The following ORC5 variants were observed in gnomAD, a reference collection of about 807,000 sequenced individuals.
ORC5 encodes origin recognition complex subunit 5, also known as protein phosphatase 1, regulatory subunit 117.
ORC5 carries 39 observed loss-of-function variants against 58.8 expected under a neutral mutation model. The observed-to-expected ratio is 0.66, with a 90% CI of 0.51 to 0.87. The LOEUF is 0.87. Among genes scored for constraint, ORC5 ranks in the 40% least tolerant of loss-of-function variants. The pLI is 0.00. For missense variants in ORC5, 493 were observed against 506.3 expected (o/e 0.97, Z 0.25); for synonymous variants, 218 against 177.6 (o/e 1.23, Z -1.81).
At chr7:104,158,885 G>C (rs1426110099) in intron 12 of ORC5, among the ~76,000 whole-genome samples, 1 of 151,850 alleles carries the variant, frequency 6.6e-6, no homozygotes, top group Admixed American at 6.5e-5. Flanking sequence ...TGGTGGGACT[G>C]TAAACTAGTT....
rs1315982436 is a variant in ORC5 at position 104,168,203 on chromosome 7, G to A, written c.877+270C>T. On this transcript the variant is annotated intron_variant, in intron 9 of 13. Transcript: ENST00000297431. ...ACATAATTAGATTGCTTTAATAAAA[G>A]CATTTAAAGAAATAGAAACTGCTTG... 4 of 862,268 alleles carry A rather than the reference G, an allele frequency of 4.6e-6. No individual in the cohort carries two copies. In the East Asian group the frequency reaches 1.1e-4, roughly 24 times the overall value. 53.4% of individuals were successfully genotyped at this position (862,268 alleles called of 1,614,324 possible).
At chr7:104,189,329 C>T (rs540283523) in intron 5 of ORC5, among the ~76,000 whole-genome samples, 1 of 152,124 alleles carries the variant, frequency 6.6e-6, no homozygotes, top group Admixed American at 6.5e-5. Context: ...AGGGAAAATG[C>T]CGGATACTTA....
intron 9 of ORC5, 61 bp downstream of exon 9, chr7:104,168,412 G>A (rs767543273): frequency 2.0e-5 from 31 of 1,582,546 alleles, no homozygotes; most frequent in East Asian, 2.3e-5. Context: ...ATTAACTTTA[G>A]TATCTTGATA....
rs117477643 is a variant in ORC5 at position 104,152,601 on chromosome 7, A to G, written c.1149+8471T>C. Among the ~76,000 whole-genome samples, 1,055 of 152,302 alleles carry G rather than the reference A, an allele frequency of 6.9e-3. 2 individuals are homozygous for G. The highest frequency in any genetic ancestry group is 0.011 in the Non-Finnish European group (735 of 68,006). On this transcript the variant is annotated intron_variant, in intron 12 of 13. Transcript: ENST00000297431. ...TTTGCCTATATAGTCACTATATATT[A>G]GTAGTATGGAATCTCTTAAACATGC... is the stretch of plus-strand genomic sequence containing the variant.
At chr7:104,156,776 T>G (rs1019312) in intron 12 of ORC5, among the ~76,000 whole-genome samples, 1 of 151,876 alleles carries the variant, frequency 6.6e-6, no homozygotes, top group Admixed American at 6.6e-5. Context: ...ATATAATTCA[T>G]TGCCAATTTT....
intron 12 of ORC5, among the ~76,000 whole-genome samples, chr7:104,158,411 C>T (rs376728879): frequency 0.03 from 4,513 of 152,004 alleles, 184 homozygotes; most frequent in African/African-American, 0.1. Context: ...AGGACATAGG[C>T]ATGGGCAAGG....
intron 9 of ORC5, 117 bp from the exon 10 acceptor site, chr7:104,167,001 C>T (rs1799118696): frequency 2.3e-5 from 14 of 602,774 alleles, no homozygotes; most frequent in Non-Finnish European, 4.2e-5. Context: ...TGACCTATTT[C>T]CTTATTTTAA....
intron 6 of ORC5, 193 bp downstream of exon 6, chr7:104,188,058 A>C: frequency 1.0e-6 from 1 of 990,952 alleles, no homozygotes; most frequent in Non-Finnish European, 1.3e-6. Context: ...GTACTAACCC[A>C]CAGACATCTA....
chr7:104,158,551 G>A (rs1419273439), intron 12 of ORC5, among the ~76,000 whole-genome samples: 1 of 151,706 alleles, frequency 6.6e-6, no homozygotes, highest in African/African-American at 2.4e-5. Flanking sequence ...CCTACAAAAT[G>A]GGAGAAAATT....
intron 12 of ORC5, among the ~76,000 whole-genome samples, chr7:104,139,171 T>G (rs2115762094): frequency 6.6e-6 from 1 of 152,322 alleles, no homozygotes. Context: ...ATCATGTGTC[T>G]TAGGAATTAA....
At chr7:104,203,234 C>T (rs1345667307) in intron 2 of ORC5, among the ~76,000 whole-genome samples, 3 of 152,136 alleles carry the variant, frequency 2.0e-5, no homozygotes, top group African/African-American at 4.8e-5. Flanking sequence ...TAGAGGAGGA[C>T]GGGGTTAGCA....
intron 1 of ORC5, among the ~76,000 whole-genome samples, chr7:104,205,487 C>A (rs933036190): frequency 2.0e-5 from 3 of 152,232 alleles, no homozygotes; most frequent in Admixed American, 2.0e-4. Context: ...TCGATTACAG[C>A]AACAGTCACA....
At chr7:104,191,273 G>A (rs1332283643) in intron 5 of ORC5, among the ~76,000 whole-genome samples, 3 of 151,796 alleles carry the variant, frequency 2.0e-5, no homozygotes, top group Admixed American at 6.6e-5. Context: ...ATAAAACTTA[G>A]AAACAAAGAT....
chr7:104,162,592 T>C (rs1799042812), intron 11 of ORC5, among the ~76,000 whole-genome samples: 1 of 152,298 alleles, frequency 6.6e-6, no homozygotes, highest in South Asian at 2.1e-4. Context: ...TACAATGAAG[T>C]TTTTACCTCG....
intron 12 of ORC5, among the ~76,000 whole-genome samples, chr7:104,140,865 G>A (rs1021721659): frequency 2.6e-5 from 4 of 152,170 alleles, no homozygotes; most frequent in African/African-American, 4.8e-5. Flanking sequence ...AGCCTGCAAA[G>A]TCTAAAATAT....
intron 12 of ORC5, among the ~76,000 whole-genome samples, chr7:104,144,968 A>G (rs553221761): frequency 1.3e-5 from 2 of 152,298 alleles, no homozygotes; most frequent in African/African-American, 4.8e-5. Context: ...ATGCATGTAT[A>G]TGCATAAATA....
In ORC5 at chr7:104,204,311, G is replaced by A. The variant is rs1313962396; in HGVS notation, c.73-77C>T. 10 of 853,266 alleles carry A rather than the reference G, an allele frequency of 1.2e-5. No individual in the cohort carries two copies. In the East Asian group the frequency reaches 2.5e-4, roughly 22 times the overall value. 52.9% of individuals were successfully genotyped at this position (853,266 alleles called of 1,614,324 possible). A position where few individuals can be genotyped will look rare whatever the true frequency, so the allele number is the denominator to read the frequency against. On this transcript the variant is annotated intron_variant, in intron 1 of 13. Coordinates refer to ENST00000297431, the MANE Select transcript of ORC5 (RefSeq NM_002553.4). ...ACACTTATCAACTTGTGAGAAAGTT[G>A]TACGTGGAAAAGTGAAATATTCAAT...
chr7:104,128,583 TTACA>T (rs1798465124), intron 13 of ORC5, among the ~76,000 whole-genome samples: 1 of 151,924 alleles, frequency 6.6e-6, no homozygotes, highest in African/African-American at 2.4e-5. Context: ...TGCAGGTTAG[TTACA>T]TATGTATACA....
chr7:104,152,768 T>C (rs539337475), intron 12 of ORC5, among the ~76,000 whole-genome samples: 1 of 152,302 alleles, frequency 6.6e-6, no homozygotes, highest in Admixed American at 6.5e-5. Flanking sequence ...TTATTGGAAG[T>C]AACACTAATC....
Sources: gnomAD v4.1 joint callset for allele counts (sites outside exome capture counted in the v4.1 genomes callset) on GRCh38, gnomAD v4.1.1 for gene constraint, MANE v1.5 for transcripts, NCBI Gene and HGNC (gene_info 2026-07-23, HGNC 2026-07-21) for gene names.